Variants in SLIT2 observed in about 807,000 individuals in gnomAD.
The protein encoded by SLIT2 is slit guidance ligand 2.
A neutral mutation model predicts 185.7 loss-of-function variants in SLIT2; 41 were observed. The ratio of observed to expected loss-of-function variants is 0.22; its 90% confidence interval spans 0.17 to 0.29. The LOEUF (loss-of-function observed/expected upper bound fraction) is 0.29. Ranked by LOEUF, SLIT2 falls within the 10% of genes least tolerant of loss-of-function variation. SLIT2 has a pLI of 1.00. For missense variants in SLIT2, 1,571 were observed against 1,909.0 expected, an observed-to-expected ratio of 0.82 and a Z score of 3.30; for synonymous variants, 693 against 680.2, an observed-to-expected ratio of 1.02 and a Z score of -0.29.
At chr4:20,367,409 A>G (rs1022358264) in intron 4 of SLIT2, among the ~76,000 whole-genome samples, 6 of 152,166 alleles carry the variant, frequency 3.9e-5, no homozygotes, top group African/African-American at 9.6e-5. Context: ...AGCATATAAA[A>G]CTAATAGTGT....
chr4:20,300,515 C>T lies in SLIT2; in HGVS notation c.395+31634C>T, dbSNP rs192284800. On this transcript the variant is annotated intron_variant, in intron 4 of 36. Transcript: ENST00000504154. ...TTTATCACTTTGTAAGCCTTAATTC[C>T]CTAGTTAGCTACGTATCTATATATC... 7.2e-5 allele frequency among the ~76,000 whole-genome samples: 11 copies of T among 151,884 alleles called. No homozygotes were observed. The East Asian group carries it at 2.1e-3, about 29-fold the overall frequency.
intron 4 of SLIT2, chr4:20,393,428 A>G (rs528962151): frequency 2.0e-5 from 3 of 152,064 alleles, no homozygotes; most frequent in African/African-American, 7.2e-5. Context: ...TCTTCTGACG[A>G]GTGCTGGCAT....
intron 15 of SLIT2, among the ~76,000 whole-genome samples, chr4:20,526,818 A>T (rs891286918): frequency 6.6e-6 from 1 of 152,136 alleles, no homozygotes; most frequent in Non-Finnish European, 1.5e-5. Context: ...CCTTTTTTCC[A>T]AAAATTTTAA....
chr4:20,469,445 CT>C (rs1714721000), intron 5 of SLIT2, among the ~76,000 whole-genome samples: 1 of 152,040 alleles, frequency 6.6e-6, no homozygotes, highest in African/African-American at 2.4e-5. Flanking sequence ...TAGAATTCTT[CT>C]TTATATATTT....
At chr4:20,501,436 C>T (rs1718725759) in intron 9 of SLIT2, among the ~76,000 whole-genome samples, 1 of 152,084 alleles carries the variant, frequency 6.6e-6, no homozygotes, top group Non-Finnish European at 1.5e-5. Flanking sequence ...CAAGTGCATG[C>T]CACCACACCC....
chr4:20,408,901 A>G (rs1481747357), intron 4 of SLIT2, among the ~76,000 whole-genome samples: 1 of 152,164 alleles, frequency 6.6e-6, no homozygotes, highest in Non-Finnish European at 1.5e-5. Flanking sequence ...GAAAGAAAGA[A>G]TACCATCTAC....
intron 4 of SLIT2, among the ~76,000 whole-genome samples, chr4:20,405,418 A>T (rs568731462): frequency 1.2e-4 from 18 of 151,988 alleles, no homozygotes; most frequent in Non-Finnish European, 2.6e-4. Context: ...CAGAATTTGT[A>T]TTATGGGAGT....
chr4:20,391,141 C>T (rs1033594439), intron 4 of SLIT2, among the ~76,000 whole-genome samples: 2 of 151,948 alleles, frequency 1.3e-5, no homozygotes, highest in Non-Finnish European at 1.5e-5. Flanking sequence ...TTAGAATTGT[C>T]GGGGTAAATC....
intron 4 of SLIT2, among the ~76,000 whole-genome samples, chr4:20,271,112 C>G (rs16869447): frequency 0.037 from 5,592 of 151,882 alleles, 261 homozygotes; most frequent in East Asian, 0.1. Context: ...ATACAGATGC[C>G]AAGTAGCTCA....
intron 5 of SLIT2, among the ~76,000 whole-genome samples, chr4:20,470,389 T>A (rs192453351): frequency 2.7e-3 from 405 of 152,038 alleles, no homozygotes; most frequent in Middle Eastern, 6.8e-3. Flanking sequence ...GAACAAGGCA[T>A]TAAAGGCTGT....
chr4:20,256,315 T>TG (rs770256502), intron 1 of SLIT2, among the ~76,000 whole-genome samples: 2,152 of 116,814 alleles, frequency 0.018, 48 homozygotes, highest in African/African-American at 0.058. Context: ...AACTTTTTTT[T>TG]TGGGGGGGGT....
At chr4:20,323,857 A>G (rs983251596) in intron 4 of SLIT2, among the ~76,000 whole-genome samples, 6 of 152,212 alleles carry the variant, frequency 3.9e-5, no homozygotes, top group Non-Finnish European at 7.3e-5. Context: ...CTTGCACAGT[A>G]TATTGCATAT....
chr4:20,571,714 T>G (rs1448335676), intron 29 of SLIT2, among the ~76,000 whole-genome samples: 1 of 152,228 alleles, frequency 6.6e-6, no homozygotes, highest in South Asian at 2.1e-4. Flanking sequence ...GGGAATATAA[T>G]AGTGTTGTCA....
At chr4:20,463,253 G>A (rs544160351) in intron 4 of SLIT2, among the ~76,000 whole-genome samples, 6 of 151,656 alleles carry the variant, frequency 4.0e-5, no homozygotes, top group South Asian at 2.1e-4. Context: ...TTTCCCCAGC[G>A]TTGAAGGCTG....
At chr4:20,548,632 T>C (rs1723462067) in intron 23 of SLIT2, 73 bp downstream of exon 23, 1 of 889,316 alleles carries the variant, frequency 1.1e-6, no homozygotes, top group Non-Finnish European at 1.9e-6. Context: ...TGCTGGACAT[T>C]GCTATTGAAC....
In SLIT2 at chr4:20,571,496, A is replaced by G. The variant is rs563866578; in HGVS notation, c.3088+2492A>G. ...GAGCTCATTTACAAAATTTCTAACA[A>G]CCATCTGCGGATTTTGAAATCATTG... is the stretch of plus-strand genomic sequence containing the variant. On this transcript the variant is annotated intron_variant, in intron 29 of 36. Coordinates refer to ENST00000504154, the MANE Select transcript of SLIT2 (RefSeq NM_004787.4). 5.3e-5 allele frequency among the ~76,000 whole-genome samples: 8 copies of G among 152,236 alleles called. No homozygotes were observed. The South Asian group carries it at 1.7e-3, about 32-fold the overall frequency.
chr4:20,579,828 CATTT>C (rs1434374740), intron 29 of SLIT2, among the ~76,000 whole-genome samples: 20 of 151,402 alleles, frequency 1.3e-4, no homozygotes, highest in Admixed American at 6.6e-5. Context: ...ATTATTCATT[CATTT>C]GTCAAAAAAT....
At chr4:20,515,658 A>C (rs1243023279) in intron 11 of SLIT2, among the ~76,000 whole-genome samples, 2 of 152,222 alleles carry the variant, frequency 1.3e-5, no homozygotes, top group Non-Finnish European at 2.9e-5. Context: ...CTGAAGAGTT[A>C]TAATTTTCAA....
chr4:20,401,017 T>C (rs1726313752), intron 4 of SLIT2, among the ~76,000 whole-genome samples: 1 of 151,826 alleles, frequency 6.6e-6, no homozygotes, highest in South Asian at 2.1e-4. Context: ...AACAAAAGCT[T>C]GAAAATATAA....
Sources: allele counts gnomAD v4.1 joint callset (sites outside exome capture counted in the v4.1 genomes callset), GRCh38; gene constraint gnomAD v4.1.1; transcripts MANE v1.5; gene names NCBI Gene and HGNC (gene_info 2026-07-23, HGNC 2026-07-21).